Variants in SDK1 observed in about 807,000 individuals in gnomAD.
The protein encoded by SDK1 is protein sidekick-1.
Under a neutral mutation model 245.5 loss-of-function variants are expected in SDK1, and 157 were observed. The observed-to-expected ratio is 0.64, with a 90% CI of 0.56 to 0.73. The LOEUF is 0.73. Among genes scored for constraint, SDK1 ranks in the 30% least tolerant of loss-of-function variants. The pLI, the probability that SDK1 is intolerant of heterozygous loss-of-function variation, is 0.00. For synonymous variants in SDK1, 1,647 were observed against 1,278.5 expected, an observed-to-expected ratio of 1.29 and a Z score of -6.15; for missense variants, 3,583 against 3,002.3, an observed-to-expected ratio of 1.19 and a Z score of -4.52.
chr7:4,180,956 C>G (rs190317842), intron 35 of SDK1, among the ~76,000 whole-genome samples: 1 of 152,166 alleles, frequency 6.6e-6, no homozygotes, highest in African/African-American at 2.4e-5. Flanking sequence ...AGTCTGTCAT[C>G]GTGGTAAGAT....
rs960048485 is a variant in SDK1 at position 3,644,451 on chromosome 7, G to A, written c.713+2346G>A. ...ATGAAGGATCAATTTTTCATTCTTA[G>A]TAGACTGTTAGGCTTTAAAAAGGCA... is the stretch of plus-strand genomic sequence containing the variant. On this transcript the variant is annotated intron_variant, in intron 4 of 44. Coordinates refer to ENST00000404826, the MANE Select transcript of SDK1 (RefSeq NM_152744.4). Among the ~76,000 whole-genome samples, 34 of 151,682 alleles carry A rather than the reference G, an allele frequency of 2.2e-4. 2 individuals carry two copies. The highest frequency in any genetic ancestry group is 7.4e-5 in the Non-Finnish European group (5 of 67,966).
chr7:3,454,511 A>G lies in SDK1; in HGVS notation c.298+152627A>G, dbSNP rs1583881763. The stretch of plus-strand genomic sequence containing the variant: ...GATACAAAATAGTTGCATTACTGCA[A>G]GAGTCCCTTGGGTTGTCCTTTCATA... On this transcript the variant is annotated intron_variant, in intron 1 of 44. Transcript: ENST00000404826. Among the ~76,000 whole-genome samples, 4 of 151,868 alleles carry G rather than the reference A, an allele frequency of 2.6e-5. No homozygotes were observed. The East Asian group carries it at 7.7e-4, about 29-fold the overall frequency.
intron 7 of SDK1, among the ~76,000 whole-genome samples, chr7:3,957,697 G>A (rs2128127944): frequency 6.6e-6 from 1 of 152,250 alleles, no homozygotes; most frequent in South Asian, 2.1e-4. Flanking sequence ...AAATAATACT[G>A]CCTTCATGAT....
At chr7:3,367,943 T>C (rs551302169) in intron 1 of SDK1, among the ~76,000 whole-genome samples, 1 of 152,340 alleles carries the variant, frequency 6.6e-6, no homozygotes, top group South Asian at 2.1e-4. Flanking sequence ...TTCCACTTAT[T>C]GCATGTTGAT....
chr7:3,877,985 G>C (rs989825560), intron 5 of SDK1, among the ~76,000 whole-genome samples: 7 of 152,210 alleles, frequency 4.6e-5, no homozygotes, highest in African/African-American at 1.7e-4. Context: ...TGCTGGAACA[G>C]AGGGAATGCC....
rs1212052617 is a variant in SDK1 at position 3,485,866 on chromosome 7, T to C, written c.299-133214T>C. On this transcript the variant is annotated intron_variant, in intron 1 of 44. Coordinates refer to ENST00000404826, the MANE Select transcript of SDK1 (RefSeq NM_152744.4). ...TAAAACATCTTAGGTTTTTAAAAAA[T>C]CTTATTCTTTGTCCCGTTAGGACAG... is the stretch of plus-strand genomic sequence containing the variant. Among the ~76,000 whole-genome samples, 3 of 151,914 alleles carry C rather than the reference T, an allele frequency of 2.0e-5. No individual in the cohort carries two copies. In the East Asian group the frequency reaches 5.8e-4, roughly 29 times the overall value.
intron 1 of SDK1, among the ~76,000 whole-genome samples, chr7:3,605,567 A>G (rs958506790): frequency 2.0e-5 from 3 of 152,184 alleles, no homozygotes; most frequent in African/African-American, 7.2e-5. Context: ...TCCATTATAT[A>G]TTTAGGCAGT....
chr7:3,950,988 G>A lies in SDK1; in HGVS notation c.913G>A (p.Val305Met). Residue 305 changes from valine (V) to methionine (M), a missense_variant, in exon 6 of 45, where the codon GTG becomes ATG. Coordinates refer to ENST00000404826, the MANE Select transcript of SDK1 (RefSeq NM_152744.4). ...IVVPPGNRSV[V>M]AGSSETTLEC... ...GGTTCCCCCGGGCAACAGAAGTGTGGTGGCTGGATCCAGTGAGACCACCTT... is the reference window on the plus strand; with the variant it reads ...GGTTCCCCCGGGCAACAGAAGTGTGATGGCTGGATCCAGTGAGACCACCTT... 1.2e-6 allele frequency: 2 copies of A among 1,614,120 alleles called. No individual in the cohort carries two copies. The highest frequency in any genetic ancestry group is 4.5e-5 in the East Asian group (2 of 44,880).
At position 3,629,605 on chromosome 7, in the gene SDK1, C is replaced by T. The variant is rs142103239; in HGVS notation, c.459-9399C>T. Among the ~76,000 whole-genome samples, 388 of 152,284 alleles carry T rather than the reference C, an allele frequency of 2.5e-3. 2 individuals carry two copies. Among genetic ancestry groups the T allele is most frequent in the Non-Finnish European group, 4.5e-3 (306 of 68,020 alleles). On this transcript the variant is annotated intron_variant, in intron 2 of 44. Coordinates refer to ENST00000404826, the MANE Select transcript of SDK1 (RefSeq NM_152744.4). ...GGTCAGGAGAATGATTAGCCCTAGA[C>T]CAAATACTGCTCTGGTTCTGCCTAA...
At position 3,503,396 on chromosome 7, in the gene SDK1, C is replaced by T. The variant is rs1011887463; in HGVS notation, c.299-115684C>T. 7.9e-5 allele frequency among the ~76,000 whole-genome samples: 12 copies of T among 152,140 alleles called. 1 individual carries two copies. ...ATTCCACAAGTTAAGAAAACAACTT[C>T]AGGTGGGGTGTGGTGGCTCATGCCC... On this transcript the variant is annotated intron_variant, in intron 1 of 44. Transcript: ENST00000404826.
At chr7:3,626,886 C>T (rs1293675472) in intron 2 of SDK1, among the ~76,000 whole-genome samples, 3 of 151,950 alleles carry the variant, frequency 2.0e-5, no homozygotes, top group Non-Finnish European at 4.4e-5. Flanking sequence ...AAATAGATGG[C>T]CAGAATAGGG....
intron 1 of SDK1, among the ~76,000 whole-genome samples, chr7:3,604,804 G>C (rs1317428443): frequency 6.6e-6 from 1 of 151,690 alleles, no homozygotes; most frequent in African/African-American, 2.4e-5. Flanking sequence ...GTTTCTCCAT[G>C]TTGGTCAGGC....
At position 3,905,657 on chromosome 7, in the gene SDK1, G is replaced by T. The variant is rs117411253; in HGVS notation, c.848-45266G>T. On this transcript the variant is annotated intron_variant, in intron 5 of 44. Coordinates refer to ENST00000404826, the MANE Select transcript of SDK1 (RefSeq NM_152744.4). ...GTTTTTTTTTTAGAGGAACGTTCTT[G>T]CTCTGTTGTCCAGGCTGGAGTGCAG... 2.5e-3 allele frequency among the ~76,000 whole-genome samples: 375 copies of T among 151,590 alleles called. 9 individuals carry two copies. The East Asian group carries it at 0.048, about 19-fold the overall frequency.
At chr7:3,412,530 C>G (rs948571137) in intron 1 of SDK1, among the ~76,000 whole-genome samples, 1 of 152,184 alleles carries the variant, frequency 6.6e-6, no homozygotes, top group African/African-American at 2.4e-5. Flanking sequence ...GTCTCTTGTT[C>G]ATGGACATTA....
chr7:3,475,427 T>C (rs1781322608), intron 1 of SDK1, among the ~76,000 whole-genome samples: 1 of 152,212 alleles, frequency 6.6e-6, no homozygotes, highest in African/African-American at 2.4e-5. Context: ...CAGAGCAGCG[T>C]TTCCACCCTT....
intron 1 of SDK1, among the ~76,000 whole-genome samples, chr7:3,341,232 C>T (rs1375437903): frequency 6.6e-6 from 1 of 152,122 alleles, no homozygotes; most frequent in East Asian, 1.9e-4. Flanking sequence ...TCTATGCCAC[C>T]CACCATATCA....
intron 44 of SDK1, among the ~76,000 whole-genome samples, chr7:4,249,922 TG>T (rs2128240479): frequency 6.6e-6 from 1 of 152,288 alleles, no homozygotes; most frequent in African/African-American, 2.4e-5. Context: ...CACAATTCAG[TG>T]GGTTTCAGTA....
chr7:3,557,671 C>T (rs1242998199), intron 1 of SDK1, among the ~76,000 whole-genome samples: 8 of 152,118 alleles, frequency 5.3e-5, no homozygotes, highest in Admixed American at 5.2e-4. Flanking sequence ...AAAATGTTGC[C>T]ATTGGGGATA....
At chr7:3,614,807 C>T (rs1003655198) in intron 1 of SDK1, among the ~76,000 whole-genome samples, 1 of 151,934 alleles carries the variant, frequency 6.6e-6, no homozygotes, top group Admixed American at 6.6e-5. Context: ...ATTTTCCCTT[C>T]CCTTCTCCTT....
Sources: gnomAD v4.1 joint callset for allele counts (sites outside exome capture counted in the v4.1 genomes callset) on GRCh38, gnomAD v4.1.1 for gene constraint, MANE v1.5 for transcripts, NCBI Gene and HGNC (gene_info 2026-07-23, HGNC 2026-07-21) for gene names.